The following CDCA7L variants were observed in gnomAD, a reference collection of about 807,000 sequenced individuals.
The protein encoded by CDCA7L is cell division cycle associated 7 like, also known as cell division cycle-associated 7-like protein.
In CDCA7L, 44 loss-of-function variants were observed where a neutral mutation model predicts 57.4. That is an observed-to-expected ratio of 0.77 (90% CI 0.60 to 0.98). The LOEUF (loss-of-function observed/expected upper bound fraction) is 0.98, where lower values mean the gene tolerates loss of function less well. Among genes scored for constraint, CDCA7L ranks in the 50% least tolerant of loss-of-function variants. The probability of loss-of-function intolerance (pLI) is 0.00; values close to 1 mark genes in which losing one functional copy is unlikely to be tolerated. For synonymous variants in CDCA7L, 236 were observed against 202.8 expected (o/e 1.16, Z -1.39); for missense variants, 644 against 580.6 (o/e 1.11, Z -1.12).
intron 1 of CDCA7L, among the ~76,000 whole-genome samples, chr7:21,945,337 T>C (rs752390140): frequency 1.3e-5 from 2 of 151,574 alleles, no homozygotes; most frequent in Non-Finnish European, 2.9e-5. Context: ...TTATCCAAGT[T>C]GGACTGGTCT....
At chr7:21,903,202 CCT>C in intron 8 of CDCA7L, 88 bp from the exon 9 acceptor site, 1 of 1,302,560 alleles carries the variant, frequency 7.7e-7, no homozygotes, top group Non-Finnish European at 1.1e-6. Context: ...GCTCAGCTGG[CCT>C]CTCCTCCAAC....
In CDCA7L at chr7:21,913,562, C is replaced by T. The variant is rs184177877; in HGVS notation, c.166-1808G>A. Among the ~76,000 whole-genome samples, 4 of 152,300 alleles carry T rather than the reference C, an allele frequency of 2.6e-5. No individual in the cohort carries two copies. In the East Asian group the frequency reaches 7.7e-4, roughly 29 times the overall value. On this transcript the variant is annotated intron_variant, in intron 2 of 9. Transcript: ENST00000406877. ...GCTGCTAAGGAAACCCACCATGCAC[C>T]TGAGGCCTCTCAGTGCAAGAAACAT...
chr7:21,911,963 CA>C lies in CDCA7L; in HGVS notation c.166-210del, dbSNP rs59150302. On this transcript the variant is annotated intron_variant, in intron 2 of 9. Transcript: ENST00000406877. The stretch of plus-strand genomic sequence containing the variant: ...ACTTCATGTTATGTGTATTTTACCA[CA>C]AAAAAAAAAAAACACTGGCCGGGTA... Among the ~76,000 whole-genome samples, 479 of 137,182 alleles carry C rather than the reference CA, an allele frequency of 3.5e-3. 5 individuals carry two copies. Among genetic ancestry groups the C allele is most frequent in the East Asian group, 0.029 (136 of 4,730 alleles). The allele number at this position is 137,182 out of a possible 152,430, so 90.0% of individuals were successfully genotyped here.
intron 1 of CDCA7L, 51 bp downstream of exon 1, chr7:21,945,730 G>C (rs762340888): frequency 2.7e-4 from 433 of 1,600,314 alleles, no homozygotes; most frequent in Non-Finnish European, 3.5e-4. Flanking sequence ...GTGGCAAAGG[G>C]AAGTCAAACT....
At chr7:21,902,879 T>C (rs1448858542) in intron 9 of CDCA7L, 99 bp downstream of exon 9, 3 of 1,108,200 alleles carry the variant, frequency 2.7e-6, no homozygotes, top group Non-Finnish European at 4.0e-6. Context: ...TATAAGTAAG[T>C]AAGTCACACG....
chr7:21,931,681 G>A (rs1030799264), intron 1 of CDCA7L, among the ~76,000 whole-genome samples: 1 of 152,112 alleles, frequency 6.6e-6, no homozygotes, highest in Admixed American at 6.5e-5. Flanking sequence ...ATACTGAATG[G>A]GCAAAAGCTG....
intron 1 of CDCA7L, among the ~76,000 whole-genome samples, chr7:21,935,206 G>A (rs113710037): frequency 6.6e-6 from 1 of 152,278 alleles, no homozygotes; most frequent in East Asian, 1.9e-4. Flanking sequence ...TGTTACAGTA[G>A]AGTGAAACTA....
chr7:21,906,668 T>TA lies in CDCA7L; in HGVS notation c.682-30dup, dbSNP rs1384908919. ...AAGTTCAGAACAAAAGAAAGAATCT[T>TA]ACAAAAATAGGGCTCCAGGTTTAGG... is the stretch of plus-strand genomic sequence containing the variant. On this transcript the variant is annotated intron_variant, in intron 4 of 9. Transcript: ENST00000406877. 4 of 1,610,786 alleles carry TA rather than the reference T, an allele frequency of 2.5e-6. No homozygotes were observed. The East Asian group carries it at 6.7e-5, about 27-fold the overall frequency.
intron 1 of CDCA7L, among the ~76,000 whole-genome samples, chr7:21,945,094 A>C (rs1386012378): frequency 6.6e-6 from 1 of 152,066 alleles, no homozygotes; most frequent in Non-Finnish European, 1.5e-5. Flanking sequence ...TCACATTCCC[A>C]CTACTCACTG....
At chr7:21,945,676 C>G in intron 1 of CDCA7L, 105 bp downstream of exon 1, 1 of 1,437,450 alleles carries the variant, frequency 7.0e-7, no homozygotes. Flanking sequence ...TCCCCAGTGC[C>G]GCAGCCAAGG....
chr7:21,944,952 T>G (rs530500221), intron 1 of CDCA7L: 1 of 152,214 alleles, frequency 6.6e-6, no homozygotes, highest in Non-Finnish European at 1.5e-5. Flanking sequence ...TTGTTTCCCT[T>G]TTTAAAGGTT....
intron 1 of CDCA7L, among the ~76,000 whole-genome samples, chr7:21,921,780 A>G (rs1447849996): frequency 6.6e-6 from 1 of 152,174 alleles, no homozygotes; most frequent in Non-Finnish European, 1.5e-5. Context: ...CCAAAAAAAA[A>G]AGGGAAAATT....
chr7:21,909,237 G>GT (rs1365955623), intron 3 of CDCA7L, among the ~76,000 whole-genome samples: 2 of 152,200 alleles, frequency 1.3e-5, no homozygotes, highest in Non-Finnish European at 2.9e-5. Flanking sequence ...ATGGAAGGCA[G>GT]TAACAGGGAT....
At chr7:21,919,506 C>T (rs898470654) in intron 1 of CDCA7L, among the ~76,000 whole-genome samples, 2 of 152,090 alleles carry the variant, frequency 1.3e-5, no homozygotes, top group African/African-American at 4.8e-5. Flanking sequence ...CATTTAAAAA[C>T]CAAGCTCGGA....
Position 21,908,397 on chromosome 7 carries a change from ACTT to A in CDCA7L, c.411_413del (p.Arg137del), listed in dbSNP as rs761733292. ...GAAAGGCTACTCGAAGACCAATACT[ACTT>A]CTTCTAGACCTGCTTCTTCTAGGGG... On this transcript the variant is annotated inframe_deletion, in exon 4 of 10. Transcript: ENST00000406877. 3.2e-5 allele frequency: 52 copies of A among 1,604,446 alleles called. 1 individual carries two copies. The South Asian group carries it at 4.4e-4, about 14-fold the overall frequency.
chr7:21,902,751 G>A (rs1056183155), intron 9 of CDCA7L: 1 of 522,208 alleles, frequency 1.9e-6, no homozygotes, highest in East Asian at 3.2e-5. Flanking sequence ...TTTGGTTAAA[G>A]GCAACGTGGA....
chr7:21,935,608 A>G (rs552320232), intron 1 of CDCA7L, among the ~76,000 whole-genome samples: 15 of 151,920 alleles, frequency 9.9e-5, no homozygotes, highest in Middle Eastern at 6.8e-3. Flanking sequence ...GAAAAAAAAA[A>G]TCAACAAATT....
intron 1 of CDCA7L, among the ~76,000 whole-genome samples, chr7:21,927,997 C>T (rs1281483260): frequency 6.6e-6 from 1 of 152,194 alleles, no homozygotes; most frequent in Non-Finnish European, 1.5e-5. Flanking sequence ...AAGTGGGTCC[C>T]TGACTCCATG....
intron 3 of CDCA7L, among the ~76,000 whole-genome samples, chr7:21,911,334 A>G (rs1464210826): frequency 8.6e-5 from 13 of 151,916 alleles, no homozygotes. Context: ...GCCAAGAGAG[A>G]TAAATTCTTT....
Sources: allele counts gnomAD v4.1 joint callset (sites outside exome capture counted in the v4.1 genomes callset), GRCh38; gene constraint gnomAD v4.1.1; transcripts MANE v1.5; gene names NCBI Gene and HGNC (gene_info 2026-07-23, HGNC 2026-07-21).